The following VTI1A variants were observed in gnomAD, a reference collection of about 807,000 sequenced individuals.
VTI1A encodes the protein vesicle transport through interaction with t-SNAREs homolog 1A.
A neutral mutation model predicts 34.9 loss-of-function variants in VTI1A; 22 were observed. The ratio of observed to expected loss-of-function variants is 0.63; its 90% CI spans 0.45 to 0.90. VTI1A has a LOEUF of 0.90. VTI1A is among the 40% of genes least tolerant of loss of function. The probability of loss-of-function intolerance (pLI) is 0.00; values close to 1 mark genes in which losing one functional copy is unlikely to be tolerated. For synonymous variants in VTI1A, 87 were observed against 97.3 expected (o/e 0.89, Z 0.62); for missense variants, 268 against 275.6 (o/e 0.97, Z 0.20).
chr10:112,543,044 A>G (rs1226433498), intron 5 of VTI1A, among the ~76,000 whole-genome samples: 1 of 152,200 alleles, frequency 6.6e-6, no homozygotes, highest in Non-Finnish European at 1.5e-5. Context: ...TCCATGGTGT[A>G]TATCTGCCAC....
At chr10:112,818,812 C>T (rs1047837218), downstream of VTI1A, 1 of 176,252 alleles carries the variant, frequency 5.7e-6, no homozygotes, top group African/African-American at 2.4e-5. Flanking sequence ...GTACCCCAAG[C>T]AGCCTCTTGC....
intron 1 of VTI1A, 58 bp downstream of exon 1, chr10:112,447,525 GTGGAA>G: frequency 6.3e-7 from 1 of 1,576,150 alleles, no homozygotes; most frequent in Non-Finnish European, 8.6e-7. Context: ...GGTGCGGGCG[GTGGAA>G]CGCCGCCCGA....
intron 3 of VTI1A, among the ~76,000 whole-genome samples, chr10:112,485,997 C>G (rs1408252071): frequency 6.6e-6 from 1 of 152,078 alleles, no homozygotes; most frequent in African/African-American, 2.4e-5. Flanking sequence ...TTTGTAGCAT[C>G]CTTTTATTTA....
chr10:112,656,750 G>T (rs527960842), intron 5 of VTI1A, among the ~76,000 whole-genome samples: 6 of 152,008 alleles, frequency 3.9e-5, no homozygotes, highest in African/African-American at 1.4e-4. Context: ...ATGATTTCCT[G>T]CGGGATATTT....
At chr10:112,531,387 G>T (rs748637791) in intron 4 of VTI1A, among the ~76,000 whole-genome samples, 1 of 150,440 alleles carries the variant, frequency 6.6e-6, no homozygotes, top group African/African-American at 2.5e-5. Context: ...GAGAAAATAC[G>T]AAATCACGAC....
chr10:112,810,152 CA>C (rs970235668), intron 7 of VTI1A, among the ~76,000 whole-genome samples: 1 of 151,946 alleles, frequency 6.6e-6, no homozygotes, highest in African/African-American at 2.4e-5. Flanking sequence ...CTTGTAATCC[CA>C]GCACTTTGGG....
At chr10:112,536,790 G>A (rs1296389880) in intron 4 of VTI1A, among the ~76,000 whole-genome samples, 1 of 143,062 alleles carries the variant, frequency 7.0e-6, no homozygotes, top group Non-Finnish European at 1.5e-5. Context: ...AAGCTTTGAT[G>A]TGGCTTTAGC....
chr10:112,627,918 A>G (rs1845984858), intron 5 of VTI1A, among the ~76,000 whole-genome samples: 2 of 152,200 alleles, frequency 1.3e-5, no homozygotes, highest in Admixed American at 6.5e-5. Context: ...TACTTGACCT[A>G]TGATGGTCAG....
intron 7 of VTI1A, chr10:112,736,645 C>G (rs1344187295): frequency 1.3e-6 from 2 of 1,533,606 alleles, no homozygotes; most frequent in Non-Finnish European, 1.8e-6. Flanking sequence ...AAATTGGAAA[C>G]AAGTATACAA....
At chr10:112,837,321 C>T in the VTI1A span, among the ~76,000 whole-genome samples, 15 of 151,584 alleles carry the variant, frequency 9.9e-5, no homozygotes, top group African/African-American at 3.4e-4. Flanking sequence ...TGTGAGACAA[C>T]GTCTCAAAAA....
At chr10:112,701,941 G>A (rs995382143) in intron 7 of VTI1A, among the ~76,000 whole-genome samples, 2 of 152,166 alleles carry the variant, frequency 1.3e-5, no homozygotes, top group African/African-American at 4.8e-5. Context: ...TAAGTGAAGG[G>A]TGTCATTCAT....
chr10:112,450,183 C>T (rs1194408221), intron 1 of VTI1A: 1 of 152,220 alleles, frequency 6.6e-6, no homozygotes, highest in Non-Finnish European at 1.5e-5. Context: ...TGAGCCACCG[C>T]ACCTGGCCTG....
At chr10:112,517,421 C>T (rs1849819116) in intron 3 of VTI1A, among the ~76,000 whole-genome samples, 1 of 152,056 alleles carries the variant, frequency 6.6e-6, no homozygotes, top group Non-Finnish European at 1.5e-5. Flanking sequence ...ATTGAATAGA[C>T]AAATCTCCTA....
chr10:112,649,647 C>T (rs1350644536), intron 5 of VTI1A, among the ~76,000 whole-genome samples: 2 of 152,052 alleles, frequency 1.3e-5, no homozygotes, highest in African/African-American at 4.8e-5. Flanking sequence ...GGATGCATTC[C>T]GAGAAATGCA....
chr10:112,814,358 A>T (rs768195240), intron 7 of VTI1A, among the ~76,000 whole-genome samples: 4 of 152,168 alleles, frequency 2.6e-5, no homozygotes, highest in Non-Finnish European at 2.9e-5. Context: ...CAGCCAGCTC[A>T]TGTCTCTATT....
chr10:112,514,565 T>G (rs1849712972), intron 3 of VTI1A, among the ~76,000 whole-genome samples: 1 of 151,938 alleles, frequency 6.6e-6, no homozygotes, highest in Non-Finnish European at 1.5e-5. Flanking sequence ...ATTTTTGTTC[T>G]TCTAGTTTCT....
chr10:112,693,580 A>T (rs1479820631), intron 7 of VTI1A, among the ~76,000 whole-genome samples: 1 of 152,204 alleles, frequency 6.6e-6, no homozygotes, highest in African/African-American at 2.4e-5. Context: ...AAAAATAAAA[A>T]TAGCTTATCT....
chr10:112,461,455 TG>T (rs1847724723), intron 2 of VTI1A, among the ~76,000 whole-genome samples: 3 of 152,156 alleles, frequency 2.0e-5, no homozygotes, highest in African/African-American at 7.2e-5. Context: ...ATTTTGTGGA[TG>T]GGGAGACTGA....
At chr10:112,835,958 C>T in the VTI1A span, among the ~76,000 whole-genome samples, 7 of 152,306 alleles carry the variant, frequency 4.6e-5, no homozygotes, top group Admixed American at 1.3e-4. Context: ...TTATTTGTTG[C>T]TTTCACTGCT....
Sources: allele counts gnomAD v4.1 joint callset (sites outside exome capture counted in the v4.1 genomes callset), GRCh38; gene constraint gnomAD v4.1.1; transcripts MANE v1.5; gene names NCBI Gene and HGNC (gene_info 2026-07-23, HGNC 2026-07-21).